GAN: variants seen among roughly 807,000 people sequenced by gnomAD.
GAN encodes the protein gigaxonin, also known as epididymis secretory sperm binding protein.
GAN carries 48 observed loss-of-function variants against 71.3 expected under a neutral mutation model. The observed-to-expected ratio is 0.67, with a 90% CI of 0.53 to 0.86. GAN has a LOEUF of 0.86. Among genes scored for constraint, GAN ranks in the 40% least tolerant of loss-of-function variants. The probability of loss-of-function intolerance (pLI) is 0.00; values close to 1 mark genes in which losing one functional copy is unlikely to be tolerated. For synonymous variants in GAN, 386 were observed against 276.8 expected (o/e 1.39, Z -3.92); for missense variants, 928 against 770.1 (o/e 1.21, Z -2.43).
rs1236411274 is a variant in GAN, at chr16:81,388,370, C to G, written c.*10774C>G. 2.0e-5 allele frequency: 3 copies of G among 152,434 alleles called. No homozygotes were observed. The highest frequency in any genetic ancestry group is 2.9e-5 in the Non-Finnish European group (2 of 68,230). The allele number at this position is 152,434 out of a possible 1,614,324, so 9.4% of individuals were successfully genotyped here. A position where few individuals can be genotyped will look rare whatever the true frequency, so the allele number is the denominator to read the frequency against. On this transcript the variant is annotated 3_prime_UTR_variant, in exon 11 of 11. Coordinates refer to ENST00000648994, the MANE Select transcript of GAN (RefSeq NM_022041.4). ...GAGCCTCACAGATCCCTGAGCAGAC[C>G]TGCATACTAGCACTTTCCACAACCA...
intron 2 of GAN, 58 bp from the exon 3 acceptor site, chr16:81,354,347 G>A: frequency 9.6e-7 from 1 of 1,045,314 alleles, no homozygotes; most frequent in African/African-American, 1.6e-5. Context: ...TAATAGGTTA[G>A]TGGTTTGGGT....
At chr16:81,317,920 C>T (rs370878361) in intron 1 of GAN, among the ~76,000 whole-genome samples, 1 of 151,834 alleles carries the variant, frequency 6.6e-6, no homozygotes, top group Non-Finnish European at 1.5e-5. Context: ...TGTGTTTCAT[C>T]AGTGACAGAT....
At chr16:81,376,644 A>G (rs1017645581) in intron 9 of GAN, among the ~76,000 whole-genome samples, 3 of 16,676 alleles carry the variant, frequency 1.8e-4, no homozygotes, top group African/African-American at 3.9e-4. Context: ...ATATGTGTGT[A>G]TATATGTGTG....
At chr16:81,332,815 G>A (rs1909629985) in intron 1 of GAN, among the ~76,000 whole-genome samples, 1 of 152,150 alleles carries the variant, frequency 6.6e-6, no homozygotes, top group South Asian at 2.1e-4. Flanking sequence ...GGATGGGAGG[G>A]TTGCATTTTT....
At chr16:81,317,345 G>C (rs763772404) in intron 1 of GAN, among the ~76,000 whole-genome samples, 47 of 152,244 alleles carry the variant, frequency 3.1e-4, no homozygotes, top group Non-Finnish European at 1.2e-4. Context: ...ACTGGATTCA[G>C]AGTTTGAAGA....
chr16:81,336,962 G>A (rs1201560491), intron 1 of GAN, among the ~76,000 whole-genome samples: 1 of 151,952 alleles, frequency 6.6e-6, no homozygotes, highest in East Asian at 1.9e-4. Context: ...AAAGATTGTA[G>A]TTGACGTCAG....
chr16:81,315,394 C>A, intron 1 of GAN, 114 bp downstream of exon 1: 1 of 669,034 alleles, frequency 1.5e-6, no homozygotes, highest in Non-Finnish European at 2.1e-6. Context: ...CGCCGGGGTC[C>A]CCGCGTCACC....
intron 9 of GAN, among the ~76,000 whole-genome samples, chr16:81,373,500 A>G (rs1567499641): frequency 6.6e-6 from 1 of 152,242 alleles, no homozygotes; most frequent in Non-Finnish European, 1.5e-5. Flanking sequence ...GAAATAGTTA[A>G]AGAGTTCCCA....
intron 1 of GAN, among the ~76,000 whole-genome samples, chr16:81,324,228 C>T (rs117453498): frequency 0.02 from 3,016 of 152,244 alleles, 66 homozygotes; most frequent in Admixed American, 0.069. Flanking sequence ...CTAATATGCC[C>T]GTTTGTTCAT....
intron 5 of GAN, among the ~76,000 whole-genome samples, chr16:81,360,160 C>T (rs995441868): frequency 1.1e-4 from 17 of 152,112 alleles, no homozygotes; most frequent in Non-Finnish European, 2.1e-4. Flanking sequence ...CCACTTTCTT[C>T]GTTCTTCCTT....
intron 1 of GAN, among the ~76,000 whole-genome samples, chr16:81,325,916 C>G (rs1176156380): frequency 6.6e-6 from 1 of 152,202 alleles, no homozygotes; most frequent in African/African-American, 2.4e-5. Flanking sequence ...GTTTTGCTTT[C>G]TGCATGTGTT....
At chr16:81,325,416 G>T (rs1909352874) in intron 1 of GAN, among the ~76,000 whole-genome samples, 1 of 152,198 alleles carries the variant, frequency 6.6e-6, no homozygotes, top group Admixed American at 6.5e-5. Flanking sequence ...AGGAACATCA[G>T]GCTTGTGTTT....
Position 81,382,910 on chromosome 16 carries a change from T to C in GAN, c.*5314T>C, listed in dbSNP as rs1904312847. 6.6e-6 allele frequency: 1 copy of C among 152,246 alleles called. No individual in the cohort carries two copies. The highest frequency in any genetic ancestry group is 1.5e-5 in the Non-Finnish European group (1 of 68,046). 9.4% of individuals were successfully genotyped at this position (152,246 alleles called of 1,614,324 possible). ...TTTATGTGACATCTGAGGAATTAAA[T>C]CATACTTCCAGATGGTTTGGTCTAA... On this transcript the variant is annotated 3_prime_UTR_variant, in exon 11 of 11. Coordinates refer to ENST00000648994, the MANE Select transcript of GAN (RefSeq NM_022041.4).
Position 81,330,265 on chromosome 16 carries a change from A to G in GAN, c.167+14985A>G, listed in dbSNP as rs188840425. On this transcript the variant is annotated intron_variant, in intron 1 of 10. Coordinates refer to ENST00000648994, the MANE Select transcript of GAN (RefSeq NM_022041.4). ...CTAGAATGTAATCGGATAATGTTTA[A>G]AACTCTAATATCTCCAGAGACAAGG... is the stretch of plus-strand genomic sequence containing the variant. Among the ~76,000 whole-genome samples, 1,147 of 149,554 alleles carry G rather than the reference A, an allele frequency of 7.7e-3. 7 individuals are homozygous for G. The highest frequency in any genetic ancestry group is 0.012 in the South Asian group (57 of 4,680).
chr16:81,365,864 C>T (rs773820176), intron 9 of GAN, among the ~76,000 whole-genome samples: 8 of 152,000 alleles, frequency 5.3e-5, no homozygotes, highest in Non-Finnish European at 1.2e-4. Context: ...GCCTGGGCCA[C>T]ATAACAAGAC....
At chr16:81,371,607 A>T (rs1911038127) in intron 9 of GAN, among the ~76,000 whole-genome samples, 1 of 152,142 alleles carries the variant, frequency 6.6e-6, no homozygotes, top group Admixed American at 6.5e-5. Context: ...AGATGAGTGG[A>T]TGCGCACAAA....
chr16:81,363,430 G>A (rs538626721), intron 6 of GAN, among the ~76,000 whole-genome samples: 1 of 152,294 alleles, frequency 6.6e-6, no homozygotes, highest in Non-Finnish European at 1.5e-5. Flanking sequence ...AAGCATTACC[G>A]GAGAAATGGT....
chr16:81,344,291 C>G (rs1910043483), intron 1 of GAN, among the ~76,000 whole-genome samples: 1 of 152,148 alleles, frequency 6.6e-6, no homozygotes, highest in Admixed American at 6.5e-5. Context: ...AAAAAAGAGC[C>G]CGCATAGCCA....
chr16:81,356,005 C>T (rs182584447), intron 3 of GAN, among the ~76,000 whole-genome samples: 1 of 152,180 alleles, frequency 6.6e-6, no homozygotes, highest in African/African-American at 2.4e-5. Context: ...CTCCCACTCA[C>T]CAAGACCACA....
Sources: allele counts gnomAD v4.1 joint callset (sites outside exome capture counted in the v4.1 genomes callset), GRCh38; gene constraint gnomAD v4.1.1; transcripts MANE v1.5; gene names NCBI Gene and HGNC (gene_info 2026-07-23, HGNC 2026-07-21).